Variants in SPATA16 observed in about 807,000 individuals in gnomAD.
The protein encoded by SPATA16 is spermatogenesis-associated protein 16.
A neutral mutation model predicts 63.3 loss-of-function variants in SPATA16; 36 were observed. The ratio of observed to expected loss-of-function variants is 0.57; its 90% CI spans 0.44 to 0.75. SPATA16 has a LOEUF of 0.75. SPATA16 is among the 30% of genes least tolerant of loss of function. The probability of loss-of-function intolerance (pLI) is 0.00; values close to 1 mark genes in which losing one functional copy is unlikely to be tolerated. For missense variants in SPATA16, 646 were observed against 679.3 expected (o/e 0.95, Z 0.54); for synonymous variants, 203 against 216.7 (o/e 0.94, Z 0.56).
chr3:173,057,657 T>C (rs1246519856), intron 2 of SPATA16, among the ~76,000 whole-genome samples: 4 of 152,356 alleles, frequency 2.6e-5, no homozygotes, highest in Middle Eastern at 6.8e-3. Flanking sequence ...CCCAAACATC[T>C]GGCCCTAGAG....
intron 8 of SPATA16, among the ~76,000 whole-genome samples, chr3:172,917,518 C>T (rs890282741): frequency 9.2e-5 from 14 of 152,150 alleles, no homozygotes; most frequent in African/African-American, 2.9e-4. Context: ...TCACTATGCT[C>T]GCTTGTGGAC....
At chr3:172,894,637 A>G (rs1023358493) in intron 10 of SPATA16, among the ~76,000 whole-genome samples, 2 of 152,180 alleles carry the variant, frequency 1.3e-5, no homozygotes, top group Non-Finnish European at 2.9e-5. Flanking sequence ...TATGGTCTGA[A>G]TGTCTCTGTC....
At chr3:172,897,104 T>A (rs1388242166) in intron 10 of SPATA16, among the ~76,000 whole-genome samples, 1 of 152,188 alleles carries the variant, frequency 6.6e-6, no homozygotes, top group Non-Finnish European at 1.5e-5. Context: ...TAATTTGAGT[T>A]AATTTTTGTA....
At chr3:173,073,156 A>G (rs1336054034) in intron 2 of SPATA16, among the ~76,000 whole-genome samples, 1 of 152,212 alleles carries the variant, frequency 6.6e-6, no homozygotes, top group Non-Finnish European at 1.5e-5. Flanking sequence ...TCAAGAGGTG[A>G]CTTGGGTGCT....
intron 2 of SPATA16, among the ~76,000 whole-genome samples, chr3:173,100,728 A>G (rs1015223032): frequency 1.3e-5 from 2 of 149,830 alleles, no homozygotes; most frequent in African/African-American, 2.5e-5. Context: ...CTTGTTTATC[A>G]ATTTTTACAA....
rs1251735776 is a variant in SPATA16, at chr3:172,949,951, AAT to A, written c.1081+6724_1081+6725del. 3.3e-5 allele frequency among the ~76,000 whole-genome samples: 5 copies of A among 152,148 alleles called. No homozygotes were observed. The South Asian group carries it at 1.0e-3, about 32-fold the overall frequency. ...AGGTTTTGCTGAGCATTATGGATAC[AAT>A]ATCTACAATACCTGTTTAATTTCTA... On this transcript the variant is annotated intron_variant, in intron 6 of 10. Coordinates refer to ENST00000351008, the MANE Select transcript of SPATA16 (RefSeq NM_031955.6).
intron 5 of SPATA16, among the ~76,000 whole-genome samples, chr3:172,967,177 ATC>A (rs1381079775): frequency 6.6e-6 from 1 of 152,218 alleles, no homozygotes; most frequent in Non-Finnish European, 1.5e-5. Context: ...ATTGCTTTAC[ATC>A]TCTAAGCGCA....
At chr3:172,964,018 A>G (rs1733849237) in intron 5 of SPATA16, among the ~76,000 whole-genome samples, 1 of 152,142 alleles carries the variant, frequency 6.6e-6, no homozygotes, top group Non-Finnish European at 1.5e-5. Flanking sequence ...CTAGAATTTG[A>G]CTCTAGCACA....
At chr3:173,002,410 A>G (rs1256793317) in intron 4 of SPATA16, among the ~76,000 whole-genome samples, 1 of 152,204 alleles carries the variant, frequency 6.6e-6, no homozygotes, top group Non-Finnish European at 1.5e-5. Context: ...TCCTTAAGAA[A>G]CAACATGCTC....
In SPATA16 at chr3:173,048,953, G is replaced by A. The variant is rs750294571; in HGVS notation, c.754C>T (p.His252Tyr). The change falls in exon 3 of 11, where the codon CAC becomes TAC. Residue 252 changes from histidine (H) to tyrosine (Y), a missense_variant. By Grantham distance (83) the His-to-Tyr change is moderately conservative. Coordinates refer to ENST00000351008, the MANE Select transcript of SPATA16 (RefSeq NM_031955.6). Reference sequence around the variant, plus strand: ...CTTATTAGTATATGATTTTACCTGTGTGCATGATTCAGGGCAAGATCTGGT... The same window carrying A: ...CTTATTAGTATATGATTTTACCTGTATGCATGATTCAGGGCAAGATCTGGT... ...RKPDLALNHA[H>Y]RSIVLNPAYF... is the part of the protein sequence containing the mutation. 8 of 1,613,680 alleles carry A rather than the reference G, an allele frequency of 5.0e-6. No individual in the cohort carries two copies. The Admixed American group carries it at 1.3e-4, about 27-fold the overall frequency.
At chr3:173,033,028 G>A (rs1438120634) in intron 3 of SPATA16, among the ~76,000 whole-genome samples, 4 of 152,246 alleles carry the variant, frequency 2.6e-5, no homozygotes, top group Middle Eastern at 6.8e-3. Context: ...TTTTGTGCCT[G>A]TATCCCAGTT....
intron 1 of SPATA16, among the ~76,000 whole-genome samples, chr3:173,137,166 C>T (rs780585536): frequency 4.3e-4 from 65 of 152,166 alleles, no homozygotes; most frequent in Non-Finnish European, 5.9e-5. Flanking sequence ...TAGGGCAACA[C>T]CTCCAGGTGG....
At chr3:173,045,197 A>G (rs1043381922) in intron 3 of SPATA16, among the ~76,000 whole-genome samples, 1 of 152,098 alleles carries the variant, frequency 6.6e-6, no homozygotes, top group African/African-American at 2.4e-5. Context: ...GTTTCCTGTC[A>G]TTATAGCTTC....
At chr3:173,118,196 C>A (rs1332400809) in intron 1 of SPATA16, among the ~76,000 whole-genome samples, 1 of 152,104 alleles carries the variant, frequency 6.6e-6, no homozygotes, top group Admixed American at 6.6e-5. Flanking sequence ...CTAAAGAAAC[C>A]CCAGCTGCTT....
chr3:172,960,125 A>G (rs1299299934), intron 5 of SPATA16, among the ~76,000 whole-genome samples: 1 of 152,134 alleles, frequency 6.6e-6, no homozygotes, highest in Non-Finnish European at 1.5e-5. Flanking sequence ...ATAATAAAAG[A>G]TTTTCCTTGA....
chr3:173,117,483 T>C lies in SPATA16; in HGVS notation c.249A>G (p.Lys83=), dbSNP rs369322534. 4 of 1,614,202 alleles carry C rather than the reference T, an allele frequency of 2.5e-6. No individual in the cohort carries two copies. The highest frequency in any genetic ancestry group is 3.4e-6 in the Non-Finnish European group (4 of 1,180,020). The change falls in exon 2 of 11, where the codon AAA becomes AAG. Residue 83 remains lysine, a synonymous_variant. Transcript: ENST00000351008. The stretch of plus-strand genomic sequence containing the variant: ...GCTTTTCTTCACCTTCTGCCTTCCG[T>C]TTAAAGGCTGCTTTCTCTAAATCAT... The part of the protein sequence containing the change: ...QSNDLEKAAF[K]RKAEGEEKPT...
At chr3:172,903,502 A>G (rs973027162) in intron 10 of SPATA16, among the ~76,000 whole-genome samples, 4 of 152,190 alleles carry the variant, frequency 2.6e-5, no homozygotes, top group African/African-American at 7.2e-5. Flanking sequence ...CTGTGCTGTG[A>G]TGGTAAAACT....
At chr3:173,054,010 TCAACATAAATTTTA>T (rs1218612188) in intron 2 of SPATA16, among the ~76,000 whole-genome samples, 1 of 148,046 alleles carries the variant, frequency 6.8e-6, no homozygotes, top group Non-Finnish European at 1.5e-5. Context: ...TTACACTATA[TCAACATAAATTTTA>T]CAACATAATT....
chr3:172,930,326 C>T (rs571711746), intron 6 of SPATA16, among the ~76,000 whole-genome samples: 2 of 152,168 alleles, frequency 1.3e-5, no homozygotes, highest in African/African-American at 2.4e-5. Flanking sequence ...ATGATTCTTA[C>T]ATTTTCTCTA....
Sources: allele counts gnomAD v4.1 joint callset (sites outside exome capture counted in the v4.1 genomes callset), GRCh38; gene constraint gnomAD v4.1.1; transcripts MANE v1.5; gene names NCBI Gene and HGNC (gene_info 2026-07-23, HGNC 2026-07-21).